The following TTC39C variants were observed in gnomAD, a reference collection of about 807,000 sequenced individuals.
TTC39C encodes the protein tetratricopeptide repeat domain 39C.
In TTC39C, 33 loss-of-function variants were observed where a neutral mutation model predicts 76.3. The ratio of observed to expected loss-of-function variants is 0.43; its 90% CI spans 0.33 to 0.58. The LOEUF (loss-of-function observed/expected upper bound fraction) is 0.58. TTC39C is among the 20% of genes least tolerant of loss of function. The pLI is 0.04. For synonymous variants in TTC39C, 254 were observed against 260.6 expected (o/e 0.97, Z 0.24); for missense variants, 595 against 701.4 (o/e 0.85, Z 1.71).
chr18:24,038,841 T>A (rs910385846), intron 1 of TTC39C, among the ~76,000 whole-genome samples: 1 of 152,126 alleles, frequency 6.6e-6, no homozygotes, highest in African/African-American at 2.4e-5. Flanking sequence ...TTTCTCTGAG[T>A]GTGAGGGGCA....
In TTC39C at chr18:24,004,900, A is replaced by G. The variant is rs528160602; in HGVS notation, c.-17+11862A>G. 4.8e-4 allele frequency among the ~76,000 whole-genome samples: 73 copies of G among 152,350 alleles called. 1 individual carries two copies. In the South Asian group the frequency reaches 0.015, roughly 31 times the overall value. On this transcript the variant is annotated intron_variant, in intron 1 of 13. Transcript: ENST00000304621. ...ATAAGGGGCTCTGAAATGTGCTGAC[A>G]TTAGACTCACCTGAGGTTATTGCTA... is the stretch of plus-strand genomic sequence containing the variant.
At chr18:24,106,812 G>A (rs936067413) in intron 6 of TTC39C, among the ~76,000 whole-genome samples, 3 of 152,194 alleles carry the variant, frequency 2.0e-5, no homozygotes, top group Non-Finnish European at 4.4e-5. Flanking sequence ...AGCCTCCTAA[G>A]AAGCTGTCAT....
upstream of TTC39C, among the ~76,000 whole-genome samples, chr18:24,009,990 C>A (rs1452731749): frequency 6.6e-6 from 1 of 152,204 alleles, no homozygotes; most frequent in Non-Finnish European, 1.5e-5. Flanking sequence ...CAACTATGTT[C>A]CCTTCCTTAG....
chr18:24,102,223 TGACTGTTGAGA>T (rs899857388), intron 6 of TTC39C, among the ~76,000 whole-genome samples: 53 of 152,360 alleles, frequency 3.5e-4, no homozygotes, highest in African/African-American at 1.2e-3. Flanking sequence ...AATCCTGCCA[TGACTGTTGAGA>T]GACCAAGGAA....
chr18:24,041,918 C>T (rs1190618780), intron 1 of TTC39C, among the ~76,000 whole-genome samples: 1 of 152,076 alleles, frequency 6.6e-6, no homozygotes, highest in African/African-American at 2.4e-5. Flanking sequence ...TTTCTCTTTC[C>T]CTCTCTATAG....
chr18:24,104,193 A>G (rs2084715584), intron 6 of TTC39C, among the ~76,000 whole-genome samples: 1 of 152,120 alleles, frequency 6.6e-6, no homozygotes, highest in African/African-American at 2.4e-5. Flanking sequence ...TGGCCTCCCA[A>G]AGTGCTGGGT....
chr18:24,035,796 G>A (rs1405389504), intron 1 of TTC39C, among the ~76,000 whole-genome samples: 3 of 152,154 alleles, frequency 2.0e-5, no homozygotes, highest in Non-Finnish European at 4.4e-5. Context: ...ATAGATCGGT[G>A]TATCTGTATT....
chr18:24,058,479 AC>A (rs1286054578), intron 1 of TTC39C, among the ~76,000 whole-genome samples: 2 of 151,928 alleles, frequency 1.3e-5, no homozygotes, highest in African/African-American at 4.8e-5. Context: ...ACATGGTGAA[AC>A]CCCATCTCTA....
chr18:24,032,287 C>G (rs1339090954), intron 1 of TTC39C, among the ~76,000 whole-genome samples: 1 of 152,224 alleles, frequency 6.6e-6, no homozygotes, highest in Non-Finnish European at 1.5e-5. Context: ...AAAACTAATT[C>G]AGCCTCCCAT....
chr18:24,070,347 T>A lies in TTC39C; in HGVS notation c.460+1076T>A, dbSNP rs2084222220. Among the ~76,000 whole-genome samples the A allele has an allele frequency of 3.9e-5, 6 of 152,216 alleles. No individual in the cohort carries two copies. The South Asian group carries it at 1.0e-3, about 26-fold the overall frequency. On this transcript the variant is annotated intron_variant, in intron 4 of 13. Transcript: ENST00000317571. ...CAGGACTCTTCTAACAATACCTTAC[T>A]TATATGGTCAAGAACTCATAGCTCA...
chr18:24,072,506 A>G (rs1270085650), intron 4 of TTC39C, among the ~76,000 whole-genome samples: 1 of 152,218 alleles, frequency 6.6e-6, no homozygotes, highest in Non-Finnish European at 1.5e-5. Context: ...CATGTTGGCC[A>G]GGCTGGTCTC....
intron 8 of TTC39C, among the ~76,000 whole-genome samples, chr18:24,122,111 G>A (rs2084975051): frequency 6.6e-6 from 1 of 152,076 alleles, no homozygotes; most frequent in African/African-American, 2.4e-5. Flanking sequence ...TTGGACCCTT[G>A]GGCTCTGCCG....
chr18:24,131,857 A>G, intron 12 of TTC39C, 25 bp from the exon 13 acceptor site: 1 of 1,603,686 alleles, frequency 6.2e-7, no homozygotes, highest in Non-Finnish European at 8.5e-7. Context: ...CACAGATTTT[A>G]TGGGATAATG....
chr18:24,021,296 C>T (rs1158312173), intron 1 of TTC39C, among the ~76,000 whole-genome samples: 1 of 152,180 alleles, frequency 6.6e-6, no homozygotes, highest in African/African-American at 2.4e-5. Context: ...TCAGCACGTC[C>T]TCTCCTCCCA....
At chr18:24,095,425 G>A (rs1347204794) in intron 6 of TTC39C, among the ~76,000 whole-genome samples, 5 of 152,214 alleles carry the variant, frequency 3.3e-5, no homozygotes, top group African/African-American at 4.8e-5. Flanking sequence ...TCAGCTGGGC[G>A]CAGTGGTTCA....
In TTC39C at chr18:24,099,031, GTGTGTA is replaced by G. The variant is rs1176915996; in HGVS notation, c.985-15521_985-15516del. 6.8e-5 allele frequency among the ~76,000 whole-genome samples: 10 copies of G among 146,684 alleles called. No individual in the cohort carries two copies. The East Asian group carries it at 8.2e-4, about 12-fold the overall frequency. On this transcript the variant is annotated intron_variant, in intron 6 of 13. Coordinates refer to ENST00000317571, the MANE Select transcript of TTC39C (RefSeq NM_001135993.2). ...TGTGTGTGTGTGTGTGTGTGTGTGT[GTGTGTA>G]TATATATATCTATACACGTATATAC...
At position 24,069,207 on chromosome 18, in the gene TTC39C, G is replaced by C. The variant is rs1386548; in HGVS notation, c.396G>C (p.Gln132His). 1.2e-6 allele frequency: 2 copies of C among 1,614,170 alleles called. No homozygotes were observed. The highest frequency in any genetic ancestry group is 1.7e-6 in the Non-Finnish European group (2 of 1,179,970). The part of the protein sequence containing the change: ...APSMVDRLQR[Q>H]IIIADCQVYL... ...CTATGGTTGATCGGCTTCAGAGGCA[G>C]ATAATCATAGCTGACTGCCAGGTTT... is the stretch of plus-strand genomic sequence containing the variant. Residue 132 changes from glutamine (Q) to histidine (H), a missense_variant, in exon 4 of 14, where the codon CAG becomes CAC. By Grantham distance (24) the Gln-to-His change is conservative. Coordinates refer to ENST00000317571, the MANE Select transcript of TTC39C (RefSeq NM_001135993.2).
chr18:24,031,265 A>ACTTT (rs79003015), intron 1 of TTC39C, among the ~76,000 whole-genome samples: 90,583 of 151,938 alleles, frequency 0.6, 30,695 homozygotes, highest in Non-Finnish European at 0.78. Flanking sequence ...TCCTCCGAGG[A>ACTTT]TAAGTCTTTT....
chr18:24,051,252 T>A (rs1433327856), intron 1 of TTC39C, among the ~76,000 whole-genome samples: 2 of 152,232 alleles, frequency 1.3e-5, no homozygotes, highest in African/African-American at 4.8e-5. Flanking sequence ...ACAGCTTCAC[T>A]GATCTTGGTG....
Sources: gnomAD v4.1 joint callset for allele counts (sites outside exome capture counted in the v4.1 genomes callset) on GRCh38, gnomAD v4.1.1 for gene constraint, MANE v1.5 for transcripts, NCBI Gene and HGNC (gene_info 2026-07-23, HGNC 2026-07-21) for gene names.